The following VAT1 variants were observed in gnomAD, a reference collection of about 807,000 sequenced individuals.
VAT1 encodes NADPH-dependent quinone oxidoreductase VAT1.
Under a neutral mutation model 33.3 loss-of-function variants are expected in VAT1, and 24 were observed. The observed-to-expected ratio is 0.72, with a 90% CI of 0.52 to 1.01. The LOEUF (loss-of-function observed/expected upper bound fraction) is 1.01, where lower values mean the gene tolerates loss of function less well. Among genes scored for constraint, VAT1 ranks in the 50% least tolerant of loss-of-function variants. The pLI is 0.00. For synonymous variants in VAT1, 212 were observed against 225.0 expected (o/e 0.94, Z 0.52); for missense variants, 436 against 533.7 (o/e 0.82, Z 1.80).
chr17:43,017,987 C>T, intron 3 of VAT1, 49 bp downstream of exon 3: 1 of 1,612,968 alleles, frequency 6.2e-7, no homozygotes, highest in Non-Finnish European at 8.5e-7. Flanking sequence ...TCTGGAGCTC[C>T]CCTCCCTGTC....
chr17:43,017,586 A>G (rs78797068), intron 4 of VAT1, among the ~76,000 whole-genome samples: 1 of 144,022 alleles, frequency 6.9e-6, no homozygotes, highest in Non-Finnish European at 1.5e-5. Flanking sequence ...CCATCTCAAA[A>G]AAAAAAAAAA....
chr17:43,022,224 C>T lies in VAT1; in HGVS notation c.99G>A (p.Ala33=). The T allele has an allele frequency of 6.4e-7, 1 of 1,570,560 alleles. No individual in the cohort carries two copies. ...TEAASDPQHP[A]ASEGAAAAAA... Reference sequence around the variant, plus strand: ...CGGCGGCGGCGGCCCCTTCGGAGGCCGCGGGATGCTGGGGGTCGCTCGCTG... The same window carrying T: ...CGGCGGCGGCGGCCCCTTCGGAGGCTGCGGGATGCTGGGGGTCGCTCGCTG... The change falls in exon 1 of 6, where the codon GCG becomes GCA. Residue 33 remains alanine (A), a synonymous_variant. Transcript: ENST00000355653.
In VAT1 at chr17:43,020,368, C is replaced by T. The variant is rs147629837; in HGVS notation, c.387+1568G>A. On this transcript the variant is annotated intron_variant, in intron 1 of 5. Transcript: ENST00000355653. ...CCTTCAGCAGTAACATGAACTACAA[C>T]TACCTCCCGAAAATATTCCTCTTAG... 306 of 846,986 alleles carry T rather than the reference C, an allele frequency of 3.6e-4. 1 individual carries two copies. The African/African-American group carries it at 4.8e-3, about 13-fold the overall frequency. The allele number at this position is 846,986 out of a possible 1,614,324, so 52.5% of individuals were successfully genotyped here. A position where few individuals can be genotyped will look rare whatever the true frequency, so the allele number is the denominator to read the frequency against.
At chr17:43,020,002 C>G in intron 1 of VAT1, 1 of 695,392 alleles carries the variant, frequency 1.4e-6, no homozygotes, top group Non-Finnish European at 1.8e-6. Flanking sequence ...GAGATGAGGT[C>G]TGGAGAACAA....
At chr17:43,020,309 C>T (rs1006061705) in intron 1 of VAT1, 29 of 985,190 alleles carry the variant, frequency 2.9e-5, no homozygotes, top group African/African-American at 2.3e-4. Context: ...ATTTACCAGG[C>T]GGAAAGTGTA....
intron 4 of VAT1, 56 bp downstream of exon 4, chr17:43,017,784 CT>C: frequency 1.3e-6 from 2 of 1,557,948 alleles, no homozygotes; most frequent in Non-Finnish European, 1.8e-6. Flanking sequence ...TATCCCACCC[CT>C]TAGACCCTCC....
At position 43,016,446 on chromosome 17, in the gene VAT1, T is replaced by A. The variant is rs768955515; in HGVS notation, c.959A>T (p.Asn320Ile). The A allele has an allele frequency of 2.5e-6, 4 of 1,614,064 alleles. No individual in the cohort carries two copies. The African/African-American group carries it at 4.0e-5, about 16-fold the overall frequency. Reference sequence around the variant, plus strand: ...CAGGTGGAAGCCACACACAGCCCGGTTGGCCTGCAGCAGCTGCAGAGCTGT... The same window carrying A: ...CAGGTGGAAGCCACACACAGCCCGGATGGCCTGCAGCAGCTGCAGAGCTGT... Reference protein sequence around the residue: ...SVTALQLLQANRAVCGFHLGY... With the variant: ...SVTALQLLQAIRAVCGFHLGY... Residue 320 changes from asparagine to isoleucine, a missense_variant, in exon 5 of 6, where the codon AAC (asparagine) becomes ATC (isoleucine). Transcript: ENST00000355653.
rs1038717698 is a variant in VAT1 at position 43,022,230 on chromosome 17, A to G, written c.93T>C (p.His31=). The change falls in exon 1 of 6, where the codon CAT becomes CAC. Residue 31 remains histidine, a synonymous_variant. Coordinates refer to ENST00000355653, the MANE Select transcript of VAT1 (RefSeq NM_006373.4). The stretch of plus-strand genomic sequence containing the variant: ...CGGCGGCCCCTTCGGAGGCCGCGGG[A>G]TGCTGGGGGTCGCTCGCTGCCTCGG... ...PKTEAASDPQ[H]PAASEGAAAA... 1.3e-6 allele frequency: 2 copies of G among 1,569,028 alleles called. No homozygotes were observed. Among genetic ancestry groups the G allele is most frequent in the Non-Finnish European group, 8.6e-7 (1 of 1,157,792 alleles).
chr17:43,018,350 G>T, intron 2 of VAT1, 144 bp from the exon 3 acceptor site: 1 of 1,114,896 alleles, frequency 9.0e-7, no homozygotes. Context: ...TGACTGAGAA[G>T]TGGTGGGGAA....
Position 43,015,693 on chromosome 17 carries a change from G to C in VAT1, c.*368C>G, listed in dbSNP as rs1365775494. Reference sequence around the variant, plus strand: ...TTTCAATTCTTTGGGGAGGTGGCGGGGCAGGGACGGGAGGAAAGATGAGGC... The same window carrying C: ...TTTCAATTCTTTGGGGAGGTGGCGGCGCAGGGACGGGAGGAAAGATGAGGC... On this transcript the variant is annotated 3_prime_UTR_variant, in exon 6 of 6. Coordinates refer to ENST00000355653, the MANE Select transcript of VAT1 (RefSeq NM_006373.4). The C allele has an allele frequency of 3.6e-6, 1 of 279,812 alleles. No individual in the cohort carries two copies. Among genetic ancestry groups the C allele is most frequent in the East Asian group, 8.7e-5 (1 of 11,552 alleles). 17.3% of individuals were successfully genotyped at this position (279,812 alleles called of 1,614,324 possible). A position where few individuals can be genotyped will look rare whatever the true frequency, so the allele number is the denominator to read the frequency against.
rs942564272 is a variant in VAT1 at position 43,015,927 on chromosome 17, A to G, written c.*134T>C. The G allele has an allele frequency of 1.3e-5, 13 of 991,478 alleles. No homozygotes were observed. In the African/African-American group the frequency reaches 1.9e-4, roughly 15 times the overall value. The allele number at this position is 991,478 out of a possible 1,614,324, so 61.4% of individuals were successfully genotyped here. A position where few individuals can be genotyped will look rare whatever the true frequency, so the allele number is the denominator to read the frequency against. ...CGGGGAGGGGCAGGGGAGAGCGGTC[A>G]TCACCACAGAGACCTTCGGGGGAGG... On this transcript the variant is annotated 3_prime_UTR_variant, in exon 6 of 6. Transcript: ENST00000355653.
rs1597782970 is a variant in VAT1 at position 43,015,892 on chromosome 17, G to A, written c.*169C>T. On this transcript the variant is annotated 3_prime_UTR_variant, in exon 6 of 6. Coordinates refer to ENST00000355653, the MANE Select transcript of VAT1 (RefSeq NM_006373.4). The stretch of plus-strand genomic sequence containing the variant: ...ATGGTCACTTCCCAACCTCTTCAGA[G>A]GTCAGGAAGCGGGGAGGGGCAGGGG... 1.3e-6 allele frequency: 1 copy of A among 763,038 alleles called. No homozygotes were observed. The highest frequency in any genetic ancestry group is 1.7e-5 in the South Asian group (1 of 60,272). The allele number at this position is 763,038 out of a possible 1,614,324, so 47.3% of individuals were successfully genotyped here. A position where few individuals can be genotyped will look rare whatever the true frequency, so the allele number is the denominator to read the frequency against.
intron 4 of VAT1, 96 bp from the exon 5 acceptor site, chr17:43,016,644 C>A: frequency 6.6e-7 from 1 of 1,518,898 alleles, no homozygotes; most frequent in Admixed American, 1.9e-5. Context: ...CCTTGCAATT[C>A]TCCACACCAG....
intron 4 of VAT1, among the ~76,000 whole-genome samples, chr17:43,017,282 A>G (rs2050527947): frequency 6.6e-6 from 1 of 150,764 alleles, no homozygotes; most frequent in Non-Finnish European, 1.5e-5. Flanking sequence ...AATAATCCCC[A>G]AACAAGAATG....
At chr17:43,018,269 T>TAGCCTCCC (rs1304998446) in intron 2 of VAT1, 63 bp from the exon 3 acceptor site, 1 of 1,548,632 alleles carries the variant, frequency 6.5e-7, no homozygotes, top group Admixed American at 1.8e-5. Context: ...CACTCCATTC[T>TAGCCTCCC]AGCCTCCCAG....
intron 1 of VAT1, chr17:43,020,176 C>T: frequency 1.0e-6 from 1 of 985,410 alleles, no homozygotes; most frequent in South Asian, 4.7e-5. Flanking sequence ...CCATCCAAAT[C>T]AGGGCCATGA....
chr17:43,015,906 G>C lies in VAT1; in HGVS notation c.*155C>G. ...ACCTCTTCAGAGGTCAGGAAGCGGG[G>C]AGGGGCAGGGGAGAGCGGTCATCAC... On this transcript the variant is annotated 3_prime_UTR_variant, in exon 6 of 6. Transcript: ENST00000355653. The C allele has an allele frequency of 1.2e-6, 1 of 810,266 alleles. No homozygotes were observed. Among genetic ancestry groups the C allele is most frequent in the Non-Finnish European group, 2.0e-6 (1 of 489,212 alleles). The allele number at this position is 810,266 out of a possible 1,614,324, so 50.2% of individuals were successfully genotyped here.
chr17:43,020,348 A>C (rs1241324135), intron 1 of VAT1: 1 of 961,156 alleles, frequency 1.0e-6, no homozygotes, highest in Non-Finnish European at 1.2e-6. Flanking sequence ...GGTGGCCTTC[A>C]GCAGTAACAT....
At position 43,015,666 on chromosome 17, in the gene VAT1, C is replaced by T. The variant is rs113459211; in HGVS notation, c.*395G>A. On this transcript the variant is annotated 3_prime_UTR_variant, in exon 6 of 6. Transcript: ENST00000355653. ...AGATTGGCCCCATATCCTGAGCTGA[C>T]GTTTCAATTCTTTGGGGAGGTGGCG... The T allele has an allele frequency of 4.1e-4, 108 of 262,190 alleles. 3 individuals are homozygous for T. The highest frequency in any genetic ancestry group is 2.2e-3 in the African/African-American group (100 of 44,988). The allele number at this position is 262,190 out of a possible 1,614,324, so 16.2% of individuals were successfully genotyped here.
Sources: gnomAD v4.1 joint callset for allele counts (sites outside exome capture counted in the v4.1 genomes callset) on GRCh38, gnomAD v4.1.1 for gene constraint, MANE v1.5 for transcripts, NCBI Gene and HGNC (gene_info 2026-07-23, HGNC 2026-07-21) for gene names.